Variants in CDH2 observed in about 807,000 individuals in gnomAD.
CDH2 encodes cadherin 2, also known as cadherin-2.
In CDH2, 17 loss-of-function variants were observed where a neutral mutation model predicts 92.0. That is an observed-to-expected ratio of 0.18 (90% CI 0.13 to 0.28). The LOEUF (loss-of-function observed/expected upper bound fraction) is 0.28. CDH2 is among the 10% of genes least tolerant of loss of function. The probability of loss-of-function intolerance (pLI) is 1.00; values close to 1 mark genes in which losing one functional copy is unlikely to be tolerated. For missense variants in CDH2, 862 were observed against 1,133.1 expected (o/e 0.76, Z 3.44); for synonymous variants, 419 against 415.9 (o/e 1.01, Z -0.09).
intron 15 of CDH2, among the ~76,000 whole-genome samples, chr18:27,953,130 C>A (rs1034105687): frequency 1.3e-5 from 2 of 152,004 alleles, no homozygotes; most frequent in African/African-American, 4.8e-5. Context: ...TCCAAAAAAT[C>A]CTAGAAATGT....
intron 2 of CDH2, among the ~76,000 whole-genome samples, chr18:28,121,238 G>T (rs1056664470): frequency 2.6e-5 from 4 of 152,042 alleles, no homozygotes; most frequent in African/African-American, 9.7e-5. Flanking sequence ...AATGACATGA[G>T]AAAACATGTG....
At chr18:27,958,588 T>C (rs1473412250) in intron 15 of CDH2, among the ~76,000 whole-genome samples, 1 of 150,320 alleles carries the variant, frequency 6.7e-6, no homozygotes, top group Non-Finnish European at 1.5e-5. Context: ...TATACACATA[T>C]ATAAATAAGT....
intron 2 of CDH2, among the ~76,000 whole-genome samples, chr18:28,112,418 C>T (rs577666807): frequency 1.3e-5 from 2 of 152,124 alleles, no homozygotes; most frequent in Non-Finnish European, 2.9e-5. Context: ...AGAGATGATA[C>T]CAAATGGCCA....
intron 2 of CDH2, among the ~76,000 whole-genome samples, chr18:28,038,923 T>C (rs2013893997): frequency 6.6e-6 from 1 of 152,158 alleles, no homozygotes; most frequent in Non-Finnish European, 1.5e-5. Context: ...ACAACAACAT[T>C]TGAGTACCTA....
intron 14 of CDH2, among the ~76,000 whole-genome samples, chr18:27,970,873 T>A (rs913938353): frequency 6.6e-6 from 1 of 152,204 alleles, no homozygotes; most frequent in Non-Finnish European, 1.5e-5. Context: ...AAAATGGGCA[T>A]CAATGGGCAT....
chr18:28,023,060 T>A (rs1026696225), intron 2 of CDH2, among the ~76,000 whole-genome samples: 2 of 152,196 alleles, frequency 1.3e-5, no homozygotes, highest in African/African-American at 4.8e-5. Context: ...AGACAGCTTG[T>A]GTACACATTG....
At chr18:28,132,292 C>T (rs971717395) in intron 2 of CDH2, among the ~76,000 whole-genome samples, 14 of 152,148 alleles carry the variant, frequency 9.2e-5, no homozygotes, top group Admixed American at 4.6e-4. Flanking sequence ...TATCAGCTAA[C>T]GTGACTGGAG....
At chr18:28,099,051 C>T (rs894362450) in intron 2 of CDH2, among the ~76,000 whole-genome samples, 3 of 152,092 alleles carry the variant, frequency 2.0e-5, no homozygotes, top group Non-Finnish European at 4.4e-5. Flanking sequence ...ACAGGTAATA[C>T]TTATTTTCTT....
chr18:28,038,422 AGTGTGTGTGTGTGTGTGTGT>A (rs57601293), intron 2 of CDH2, among the ~76,000 whole-genome samples: 78 of 142,382 alleles, frequency 5.5e-4, no homozygotes, highest in African/African-American at 1.6e-3. Context: ...CCTTGTCTCA[AGTGTGTGTGTGTGTGTGTGT>A]GTGTGTGTGT....
chr18:27,945,382 GATA>G (rs961398969), intron 6 of CDH2, among the ~76,000 whole-genome samples: 1 of 126,390 alleles, frequency 7.9e-6, no homozygotes, highest in Non-Finnish European at 1.6e-5. Flanking sequence ...AGGATATGGT[GATA>G]ATAACTGTCA....
At chr18:28,032,312 G>A (rs79403752) in intron 2 of CDH2, among the ~76,000 whole-genome samples, 2 of 152,112 alleles carry the variant, frequency 1.3e-5, no homozygotes, top group African/African-American at 4.8e-5. Context: ...TAGGCACAAA[G>A]AAATTTGTGG....
chr18:28,113,100 T>C (rs2015438918), intron 2 of CDH2, among the ~76,000 whole-genome samples: 2 of 152,186 alleles, frequency 1.3e-5, no homozygotes, highest in Non-Finnish European at 2.9e-5. Flanking sequence ...TGAATGTGGA[T>C]ACTATAGTGC....
intron 2 of CDH2, among the ~76,000 whole-genome samples, chr18:28,057,431 T>G (rs1401363893): frequency 6.6e-6 from 1 of 152,094 alleles, no homozygotes; most frequent in Non-Finnish European, 1.5e-5. Flanking sequence ...TTCAGGAGGC[T>G]GAGGTGGGCG....
At chr18:27,944,369 C>T (rs1162504179) in intron 6 of CDH2, among the ~76,000 whole-genome samples, 3 of 152,138 alleles carry the variant, frequency 2.0e-5, no homozygotes, top group Non-Finnish European at 4.4e-5. Flanking sequence ...AGCTGACATC[C>T]ATTTCATAAT....
intron 2 of CDH2, among the ~76,000 whole-genome samples, chr18:28,027,642 A>G (rs994916887): frequency 5.9e-5 from 9 of 152,180 alleles, no homozygotes; most frequent in Admixed American, 5.9e-4. Flanking sequence ...TTTATATATT[A>G]AACTACTGGG....
intron 15 of CDH2, among the ~76,000 whole-genome samples, chr18:27,958,461 CTCTT>C (rs938234650): frequency 1.4e-4 from 21 of 150,300 alleles, no homozygotes; most frequent in African/African-American, 4.9e-4. Flanking sequence ...TAATAAAAAT[CTCTT>C]TATATATGTA....
chr18:28,032,350 C>T (rs962584988), intron 2 of CDH2, among the ~76,000 whole-genome samples: 1 of 152,098 alleles, frequency 6.6e-6, no homozygotes, highest in African/African-American at 2.4e-5. Context: ...TCAATTATAA[C>T]CCTGCTTCAA....
intron 2 of CDH2, among the ~76,000 whole-genome samples, chr18:28,132,317 A>G (rs1176324000): frequency 6.6e-6 from 1 of 152,242 alleles, no homozygotes; most frequent in Non-Finnish European, 1.5e-5. Context: ...AGGGATAGGA[A>G]AAGCTTCTGG....
At chr18:27,979,601 T>C (rs1349255301) in intron 14 of CDH2, among the ~76,000 whole-genome samples, 1 of 152,190 alleles carries the variant, frequency 6.6e-6, no homozygotes, top group Admixed American at 6.5e-5. Flanking sequence ...ATACATAAAA[T>C]GTAGTTAATT....
Sources: gnomAD v4.1 joint callset for allele counts (sites outside exome capture counted in the v4.1 genomes callset) on GRCh38, gnomAD v4.1.1 for gene constraint, MANE v1.5 for transcripts, NCBI Gene and HGNC (gene_info 2026-07-23, HGNC 2026-07-21) for gene names.